Variants in KCNJ12 observed in about 807,000 individuals in gnomAD.
KCNJ12 encodes potassium inwardly rectifying channel subfamily J member 12.
KCNJ12 carries 2 observed loss-of-function variants against 22.3 expected under a neutral mutation model. The ratio of observed to expected loss-of-function variants is 0.09; its 90% CI spans 0.04 to 0.28. The LOEUF is 0.28. Among genes scored for constraint, KCNJ12 ranks in the 10% least tolerant of loss-of-function variants. KCNJ12 has a pLI of 1.00. For synonymous variants in KCNJ12, 117 were observed against 261.4 expected (o/e 0.45, Z 5.33); for missense variants, 155 against 633.3 (o/e 0.24, Z 8.11).
At chr17:21,401,076 G>C (rs1597569250) in intron 1 of KCNJ12, among the ~76,000 whole-genome samples, 1 of 152,298 alleles carries the variant, frequency 6.6e-6, no homozygotes, top group African/African-American at 2.4e-5. Flanking sequence ...CCTGGCTTCT[G>C]TCCTTGGGCT....
At chr17:21,406,229 C>T (rs1905925698) in intron 1 of KCNJ12, among the ~76,000 whole-genome samples, 2 of 152,304 alleles carry the variant, frequency 1.3e-5, no homozygotes, top group African/African-American at 4.8e-5. Flanking sequence ...GTCCCTCCTC[C>T]AAGGCAGGGC....
chr17:21,377,529 C>T (rs993262003), intron 1 of KCNJ12, among the ~76,000 whole-genome samples: 3 of 152,162 alleles, frequency 2.0e-5, no homozygotes, highest in African/African-American at 2.4e-5. Flanking sequence ...CCTTGATCTC[C>T]GAGGGGATGG....
At chr17:21,384,415 C>G (rs1219523931) in intron 1 of KCNJ12, among the ~76,000 whole-genome samples, 3 of 152,182 alleles carry the variant, frequency 2.0e-5, no homozygotes, top group African/African-American at 7.2e-5. Flanking sequence ...GGAGAGGTAC[C>G]GAGTCCTCGC....
intron 1 of KCNJ12, among the ~76,000 whole-genome samples, chr17:21,387,391 G>C (rs1248276301): frequency 7.2e-6 from 1 of 138,144 alleles, no homozygotes; most frequent in South Asian, 2.3e-4. Flanking sequence ...GCAGTGAGCC[G>C]AGATCGCGCC....
chr17:21,404,241 TGCACCA>T (rs1258738932), intron 1 of KCNJ12, among the ~76,000 whole-genome samples: 1 of 152,306 alleles, frequency 6.6e-6, no homozygotes, highest in Non-Finnish European at 1.5e-5. Flanking sequence ...AGCTGGAATC[TGCACCA>T]AGACTGCAGG....
intron 1 of KCNJ12, among the ~76,000 whole-genome samples, chr17:21,377,884 G>A (rs1853499177): frequency 6.6e-6 from 1 of 152,106 alleles, no homozygotes; most frequent in African/African-American, 2.4e-5. Flanking sequence ...CATTTCCCAG[G>A]GGGCGTTCCC....
chr17:21,383,483 G>A (rs1009983419), intron 1 of KCNJ12, among the ~76,000 whole-genome samples: 2 of 152,228 alleles, frequency 1.3e-5, no homozygotes, highest in Non-Finnish European at 2.9e-5. Context: ...AGAGGCAGAT[G>A]GAGACCTGGG....
intron 1 of KCNJ12, among the ~76,000 whole-genome samples, chr17:21,389,295 G>A (rs1905150638): frequency 6.6e-6 from 1 of 152,216 alleles, no homozygotes; most frequent in South Asian, 2.1e-4. Flanking sequence ...CCTAGACCAA[G>A]CTAAGAGGAC....
chr17:21,401,026 G>A (rs1473605077), intron 1 of KCNJ12, among the ~76,000 whole-genome samples: 97 of 152,398 alleles, frequency 6.4e-4, no homozygotes, highest in Non-Finnish European at 1.2e-3. Context: ...GGTTGAAGGC[G>A]GGGAAGTTGA....
intron 1 of KCNJ12, among the ~76,000 whole-genome samples, chr17:21,380,918 C>A (rs895195390): frequency 6.6e-6 from 1 of 152,204 alleles, no homozygotes; most frequent in Admixed American, 6.5e-5. Context: ...CCAATCACCA[C>A]CACTGGTGCT....
chr17:21,381,029 C>T (rs1555557858), intron 1 of KCNJ12, among the ~76,000 whole-genome samples: 1 of 152,234 alleles, frequency 6.6e-6, no homozygotes, highest in Non-Finnish European at 1.5e-5. Context: ...TTCAGCCATG[C>T]ATCATTGGAC....
chr17:21,413,858 A>G (rs1906522702), intron 2 of KCNJ12, among the ~76,000 whole-genome samples: 1 of 152,278 alleles, frequency 6.6e-6, no homozygotes, highest in Admixed American at 6.5e-5. Flanking sequence ...GCCTGCAGTG[A>G]GCTGAGGGTG....
chr17:21,411,456 G>A (rs1906343939), intron 2 of KCNJ12, among the ~76,000 whole-genome samples: 1 of 152,250 alleles, frequency 6.6e-6, no homozygotes, highest in Non-Finnish European at 1.5e-5. Context: ...CCTTGGTGTT[G>A]AAACCGCCTT....
chr17:21,400,628 T>C (rs2142061560), intron 1 of KCNJ12, among the ~76,000 whole-genome samples: 1 of 152,428 alleles, frequency 6.6e-6, no homozygotes, highest in South Asian at 2.1e-4. Context: ...TGCCCTGTCC[T>C]TTCCCGACAA....
chr17:21,406,252 G>A (rs1905927889), intron 1 of KCNJ12, among the ~76,000 whole-genome samples: 1 of 152,298 alleles, frequency 6.6e-6, no homozygotes, highest in Non-Finnish European at 1.5e-5. Context: ...TGAGCATCGG[G>A]ATGACTGCAG....
chr17:21,393,290 T>C lies in KCNJ12; in HGVS notation c.-178-15229T>C, dbSNP rs145285756. ...CCCATGGTGCTTTTTTGAGCCACAGTAGAGGGGTCTGGCTCTGGCGGATGG... is the reference window on the plus strand; with the variant it reads ...CCCATGGTGCTTTTTTGAGCCACAGCAGAGGGGTCTGGCTCTGGCGGATGG... On this transcript the variant is annotated intron_variant, in intron 1 of 2. Coordinates refer to ENST00000583088, the MANE Select transcript of KCNJ12 (RefSeq NM_021012.5). 4.7e-3 allele frequency among the ~76,000 whole-genome samples: 712 copies of C among 152,214 alleles called. 6 individuals are homozygous for C. Among genetic ancestry groups the C allele is most frequent in the African/African-American group, 0.016 (667 of 41,520 alleles).
chr17:21,402,015 G>A (rs1387484983), intron 1 of KCNJ12, among the ~76,000 whole-genome samples: 2 of 152,244 alleles, frequency 1.3e-5, no homozygotes, highest in East Asian at 1.9e-4. Flanking sequence ...GAGCGCCATC[G>A]ACGAAGAGGT....
chr17:21,398,727 T>C (rs1186535112), intron 1 of KCNJ12, among the ~76,000 whole-genome samples: 1 of 152,238 alleles, frequency 6.6e-6, no homozygotes, highest in East Asian at 1.9e-4. Flanking sequence ...AGGACTAGAA[T>C]AGAACACACC....
In KCNJ12 at chr17:21,415,415, A is replaced by G. The variant is rs1906653592; in HGVS notation, c.73A>G (p.Met25Val). 1 of 1,613,752 alleles carries G rather than the reference A, an allele frequency of 6.2e-7. No homozygotes were observed. Among genetic ancestry groups the G allele is most frequent in the African/African-American group, 1.3e-5 (1 of 74,964 alleles). Residue 25 changes from methionine to valine, a missense_variant, in exon 3 of 3, where the codon ATG becomes GTG. Coordinates refer to ENST00000583088, the MANE Select transcript of KCNJ12 (RefSeq NM_021012.5). ...GGAGGACGGGCTGCACCTGGTCACC[A>G]TGTCGGGCGCCAACGGCTTCGGCAA... ...SEEDGLHLVT[M>V]SGANGFGNGK... is the part of the protein sequence containing the mutation.
Sources: gnomAD v4.1 joint callset for allele counts (sites outside exome capture counted in the v4.1 genomes callset) on GRCh38, gnomAD v4.1.1 for gene constraint, MANE v1.5 for transcripts, NCBI Gene and HGNC (gene_info 2026-07-23, HGNC 2026-07-21) for gene names.